The following RIBC2 variants were observed in gnomAD, a reference collection of about 807,000 sequenced individuals.
RIBC2 encodes the protein RIB43A-like with coiled-coils protein 2.
Under a neutral mutation model 44.3 loss-of-function variants are expected in RIBC2, and 40 were observed. The observed-to-expected ratio is 0.90, with a 90% CI of 0.70 to 1.18. The LOEUF is 1.18. Among genes scored for constraint, RIBC2 ranks in the 50% most tolerant of loss-of-function variants. RIBC2 has a pLI of 0.00. For synonymous variants in RIBC2, 171 were observed against 175.0 expected, an observed-to-expected ratio of 0.98 and a Z score of 0.18; for missense variants, 459 against 485.5, an observed-to-expected ratio of 0.95 and a Z score of 0.51.
rs369022776 is a variant in RIBC2 at position 45,430,990 on chromosome 22, C to T, written c.994C>T (p.Gln332Ter). Residue 332 changes from glutamine (Q) to a stop codon, truncating the protein, a stop_gained, in exon 6 of 7, where the codon CAG becomes TAG. Transcript: ENST00000614167. LOFTEE classifies it high-confidence loss of function. ...ARATLLFERQ[Q>*]WRRQRDLRRA... ...CGCCACCCTGCTGTTTGAGCGGCAGCAGTGGCGGCGGCAGCGCGACCTGCG... is the reference window on the plus strand; with the variant it reads ...CGCCACCCTGCTGTTTGAGCGGCAGTAGTGGCGGCGGCAGCGCGACCTGCG... The T allele has an allele frequency of 1.6e-4, 250 of 1,602,452 alleles. No homozygotes were observed. The highest frequency in any genetic ancestry group is 2.0e-4 in the Non-Finnish European group (232 of 1,175,112).
At chr22:45,417,491 C>G (rs2087435902) in intron 2 of RIBC2, 111 bp from the exon 3 acceptor site, 2 of 814,954 alleles carry the variant, frequency 2.5e-6, no homozygotes, top group South Asian at 2.0e-5. Flanking sequence ...CCAGCCCAGG[C>G]AACATAATGA....
At position 45,428,568 on chromosome 22, in the gene RIBC2, G is replaced by A. The variant is rs143586673; in HGVS notation, c.904-2332G>A. Among the ~76,000 whole-genome samples the A allele has an allele frequency of 1.3e-3, 200 of 152,278 alleles. No homozygotes were observed. In the Middle Eastern group the frequency reaches 0.02, roughly 16 times the overall value. On this transcript the variant is annotated intron_variant, in intron 5 of 6. Transcript: ENST00000614167. ...AGCTCAGAGCCATCACTGGAGTCAC[G>A]GGAAGGGGCATCAGGGCGGGAGCTT...
intron 5 of RIBC2, among the ~76,000 whole-genome samples, chr22:45,429,922 T>C (rs1165812321): frequency 1.3e-5 from 2 of 152,118 alleles, no homozygotes; most frequent in South Asian, 2.1e-4. Context: ...TTTCTATGCT[T>C]GGAGGTAACT....
intron 3 of RIBC2, among the ~76,000 whole-genome samples, chr22:45,421,474 T>G (rs969364249): frequency 2.1e-5 from 3 of 145,418 alleles, no homozygotes; most frequent in African/African-American, 7.5e-5. Context: ...TCTAATGCAC[T>G]TGGATGTCTA....
chr22:45,414,604 T>G (rs1011193913), intron 2 of RIBC2, among the ~76,000 whole-genome samples: 1 of 152,054 alleles, frequency 6.6e-6, no homozygotes, highest in African/African-American at 2.4e-5. Context: ...TCTCCCAAAG[T>G]GCTGGAACTA....
chr22:45,428,905 G>T (rs752917368), intron 5 of RIBC2, among the ~76,000 whole-genome samples: 4 of 152,200 alleles, frequency 2.6e-5, no homozygotes, highest in Non-Finnish European at 5.9e-5. Context: ...TGCTTAGCCA[G>T]ATTCATTGTG....
intron 5 of RIBC2, among the ~76,000 whole-genome samples, chr22:45,428,422 G>T (rs561954743): frequency 4.6e-4 from 70 of 152,176 alleles, no homozygotes; most frequent in African/African-American, 1.6e-3. Context: ...TCATTCAGCC[G>T]GAGTGATGCA....
chr22:45,417,712 A>C lies in RIBC2; in HGVS notation c.322A>C (p.Lys108Gln), dbSNP rs766500558. ...CAATGACTTCCAACAGAGCTTTCAG[A>C]AGCCAGAAACTCGCCGTGAATTTGA... Reference protein sequence around the residue: ...AINDFQQSFQKPETRREFDLS... With the variant: ...AINDFQQSFQQPETRREFDLS... Residue 108 changes from lysine (K) to glutamine (Q), a missense_variant, in exon 3 of 7, where the codon AAG becomes CAG. Lys to Gln is a moderately conservative substitution (Grantham distance 53). Transcript: ENST00000614167. 55 of 1,614,056 alleles carry C rather than the reference A, an allele frequency of 3.4e-5. No individual in the cohort carries two copies. The highest frequency in any genetic ancestry group is 4.5e-5 in the Non-Finnish European group (53 of 1,180,042).
intron 2 of RIBC2, among the ~76,000 whole-genome samples, chr22:45,416,277 A>G (rs1191366813): frequency 6.7e-6 from 1 of 148,616 alleles, no homozygotes; most frequent in South Asian, 2.1e-4. Context: ...TTTTTTTTTC[A>G]GTTGTTTTGT....
intron 1 of RIBC2, 26 bp downstream of exon 1, chr22:45,414,041 G>T: frequency 6.5e-7 from 1 of 1,550,332 alleles, no homozygotes; most frequent in Non-Finnish European, 8.7e-7. Flanking sequence ...CCGGGACGGG[G>T]TTAGAGCGGC....
chr22:45,428,363 G>A (rs1353626386), intron 5 of RIBC2, among the ~76,000 whole-genome samples: 1 of 152,240 alleles, frequency 6.6e-6, no homozygotes. Context: ...GCCATGAGGT[G>A]AAGGGAAAGT....
intron 5 of RIBC2, among the ~76,000 whole-genome samples, chr22:45,429,308 C>A (rs1221657454): frequency 6.6e-6 from 1 of 152,068 alleles, no homozygotes; most frequent in Non-Finnish European, 1.5e-5. Flanking sequence ...GGGACTAGAT[C>A]TTTGGAGAGG....
intron 5 of RIBC2, among the ~76,000 whole-genome samples, chr22:45,430,244 G>C (rs1017106921): frequency 6.6e-6 from 1 of 152,212 alleles, no homozygotes; most frequent in African/African-American, 2.4e-5. Context: ...TGGCAAACGT[G>C]GGCAAAGGGG....
At chr22:45,423,734 C>T (rs2087507883) in intron 4 of RIBC2, among the ~76,000 whole-genome samples, 1 of 152,106 alleles carries the variant, frequency 6.6e-6, no homozygotes, top group Admixed American at 6.5e-5. Context: ...CAAAGCAAGA[C>T]ACCTGAAGTC....
intron 5 of RIBC2, among the ~76,000 whole-genome samples, chr22:45,430,550 G>A (rs1254742098): frequency 6.6e-6 from 1 of 152,202 alleles, no homozygotes; most frequent in African/African-American, 2.4e-5. Flanking sequence ...ACTGAGCCAG[G>A]GAGCCCCCTG....
At chr22:45,430,629 G>C (rs959711254) in intron 5 of RIBC2, among the ~76,000 whole-genome samples, 1 of 152,214 alleles carries the variant, frequency 6.6e-6, no homozygotes, top group African/African-American at 2.4e-5. Flanking sequence ...GCTGGGAGTG[G>C]AGGCTGCTGT....
intron 5 of RIBC2, among the ~76,000 whole-genome samples, chr22:45,428,740 G>A (rs1176252519): frequency 1.3e-5 from 2 of 152,176 alleles, no homozygotes; most frequent in East Asian, 3.8e-4. Flanking sequence ...TAGAAGAGCT[G>A]GAGAGGGAAC....
chr22:45,420,666 T>G (rs1474268834), intron 3 of RIBC2, among the ~76,000 whole-genome samples: 3 of 152,142 alleles, frequency 2.0e-5, no homozygotes, highest in Non-Finnish European at 2.9e-5. Context: ...AAACCAGAAG[T>G]CTAGGGAATC....
rs201163192 is a variant in RIBC2 at position 45,421,514 on chromosome 22, TTAA to T, written c.557-764_557-762del. ...ATTATTATTATTAATAATAGTATTA[TTAA>T]TAATAATAATAGTATTATTAATAAT... is the stretch of plus-strand genomic sequence containing the variant. On this transcript the variant is annotated intron_variant, in intron 3 of 6. Coordinates refer to ENST00000614167, the MANE Select transcript of RIBC2 (RefSeq NM_015653.5). 5.0e-3 allele frequency among the ~76,000 whole-genome samples: 314 copies of T among 62,852 alleles called. 8 individuals are homozygous for T. The highest frequency in any genetic ancestry group is 0.022 in the African/African-American group (242 of 10,804). 41.2% of individuals were successfully genotyped at this position (62,852 alleles called of 152,430 possible).
Sources: allele counts gnomAD v4.1 joint callset (sites outside exome capture counted in the v4.1 genomes callset), GRCh38; gene constraint gnomAD v4.1.1; transcripts MANE v1.5; gene names NCBI Gene and HGNC (gene_info 2026-07-23, HGNC 2026-07-21).